C7: variants seen among roughly 807,000 people sequenced by gnomAD.
C7 encodes complement C7.
C7 carries 83 observed loss-of-function variants against 104.8 expected under a neutral mutation model. That is an observed-to-expected ratio of 0.79 (90% CI 0.66 to 0.95). The LOEUF is 0.95. Among genes scored for constraint, C7 ranks in the 40% least tolerant of loss-of-function variants. C7 has a pLI of 0.00. For synonymous variants in C7, 415 were observed against 360.6 expected (o/e 1.15, Z -1.71); for missense variants, 1,070 against 1,011.2 (o/e 1.06, Z -0.79).
At chr5:40,940,150 T>C (rs1377233691) in intron 6 of C7, among the ~76,000 whole-genome samples, 1 of 152,184 alleles carries the variant, frequency 6.6e-6, no homozygotes, top group East Asian at 1.9e-4. Flanking sequence ...GGAAAGTGAC[T>C]TTTGGCTTAT....
chr5:40,931,066 C>T lies in C7; in HGVS notation c.65C>T (p.Ala22Val). 6.2e-7 allele frequency: 1 copy of T among 1,608,054 alleles called. No individual in the cohort carries two copies. Among genetic ancestry groups the T allele is most frequent in the Admixed American group, 1.7e-5 (1 of 59,974 alleles). Residue 22 changes from alanine to valine, a missense_variant and splice_region_variant, in exon 3 of 18, where the codon GCC (alanine) becomes GTC (valine). Ala to Val is a moderately conservative substitution (Grantham distance 64, BLOSUM62 0). Coordinates refer to ENST00000313164, the MANE Select transcript of C7 (RefSeq NM_000587.4). ...FIGEFQSFSS[A>V]SSPVNCQWDF... Reference sequence around the variant, plus strand: ...TGGACAATTTGACACTGTGGCAGTGCCTCCTCTCCAGTCAACTGCCAGTGG... The same window carrying T: ...TGGACAATTTGACACTGTGGCAGTGTCTCCTCTCCAGTCAACTGCCAGTGG...
chr5:40,947,420 A>C (rs900664571), intron 7 of C7, among the ~76,000 whole-genome samples, 182 bp from the exon 8 acceptor site: 1 of 152,044 alleles, frequency 6.6e-6, no homozygotes, highest in Non-Finnish European at 1.5e-5. Flanking sequence ...GAGACTCCAA[A>C]TATTCCTGAT....
At chr5:40,966,300 A>G (rs1740549827) in intron 14 of C7, among the ~76,000 whole-genome samples, 1 of 151,504 alleles carries the variant, frequency 6.6e-6, no homozygotes, top group African/African-American at 2.4e-5. Context: ...AGTCCATTGC[A>G]TCAGTCTTAT....
At chr5:40,979,637 C>T (rs528989529) in intron 16 of C7, 88 bp from the exon 17 acceptor site, 32 of 1,023,774 alleles carry the variant, frequency 3.1e-5, no homozygotes, top group Non-Finnish European at 4.0e-5. Context: ...TCTGGGGGCA[C>T]TAAGCTCAGA....
chr5:40,974,910 A>G (rs1253474155), intron 15 of C7, among the ~76,000 whole-genome samples: 1 of 152,098 alleles, frequency 6.6e-6, no homozygotes, highest in Non-Finnish European at 1.5e-5. Context: ...TTGCTATGGG[A>G]GCCTCTTCTG....
At chr5:40,972,629 T>C (rs1442040189) in intron 15 of C7, 35 bp downstream of exon 15, 1 of 1,533,382 alleles carries the variant, frequency 6.5e-7, no homozygotes, top group South Asian at 1.3e-5. Flanking sequence ...AGGACACTTG[T>C]ACCCAGGCAA....
At chr5:40,917,310 T>G (rs1425482314) in intron 1 of C7, among the ~76,000 whole-genome samples, 1 of 151,574 alleles carries the variant, frequency 6.6e-6, no homozygotes, top group Admixed American at 6.6e-5. Flanking sequence ...ATTTTACTCT[T>G]TACTTATTAG....
At chr5:40,967,030 C>A (rs1402519391) in intron 14 of C7, among the ~76,000 whole-genome samples, 3 of 151,210 alleles carry the variant, frequency 2.0e-5, no homozygotes, top group Non-Finnish European at 4.4e-5. Flanking sequence ...TGTGAACCGA[C>A]TGATGAAATG....
At chr5:40,953,962 T>C (rs1287825039) in intron 9 of C7, among the ~76,000 whole-genome samples, 2 of 47,998 alleles carry the variant, frequency 4.2e-5, no homozygotes, top group Non-Finnish European at 1.3e-4. Flanking sequence ...TTTTATGAAA[T>C]TGCAAAATTT....
At chr5:40,921,967 G>A (rs543857014) in intron 1 of C7, among the ~76,000 whole-genome samples, 5 of 152,206 alleles carry the variant, frequency 3.3e-5, no homozygotes, top group African/African-American at 1.2e-4. Flanking sequence ...GAACCTGTGA[G>A]GTGGAAGTTG....
At chr5:40,951,372 C>A (rs1418035946) in intron 9 of C7, among the ~76,000 whole-genome samples, 3 of 152,082 alleles carry the variant, frequency 2.0e-5, no homozygotes, top group Admixed American at 6.6e-5. Context: ...AACAGGAAAC[C>A]AAATACTGCA....
rs1340333442 is a variant in C7 at position 40,955,399 on chromosome 5, A to G, written c.1106A>G (p.Asn369Ser). Residue 369 changes from asparagine to serine, a missense_variant, in exon 10 of 18, where the codon AAT becomes AGT. Transcript: ENST00000313164. Reference sequence around the variant, plus strand: ...TTCTTCTGTATAGGAACCCAGAACAATGTATTGCGAGGAGAACCGTTCATC... The same window carrying G: ...TTCTTCTGTATAGGAACCCAGAACAGTGTATTGCGAGGAGAACCGTTCATC... ...ALKAASGTQN[N>S]VLRGEPFIRG... 1 of 1,607,864 alleles carries G rather than the reference A, an allele frequency of 6.2e-7. No homozygotes were observed. The highest frequency in any genetic ancestry group is 8.5e-7 in the Non-Finnish European group (1 of 1,177,752).
chr5:40,979,800 T>G lies in C7; in HGVS notation c.2241T>G (p.Val747=), dbSNP rs761357401. The G allele has an allele frequency of 3.8e-5, 61 of 1,613,586 alleles. No individual in the cohort carries two copies. In the African/African-American group the frequency reaches 8.0e-4, roughly 21 times the overall value. ...ILPLTVCKMH[V]LHCQGRNYTL... Reference sequence around the variant, plus strand: ...CTCTGACAGTTTGCAAGATGCATGTTCTCCACTGTCAGGGTAGAAATTACA... The same window carrying G: ...CTCTGACAGTTTGCAAGATGCATGTGCTCCACTGTCAGGGTAGAAATTACA... The change falls in exon 17 of 18, where the codon GTT becomes GTG. Residue 747 remains valine, a synonymous_variant. Transcript: ENST00000313164.
intron 15 of C7, among the ~76,000 whole-genome samples, chr5:40,975,485 TC>T (rs1191627634): frequency 2.7e-5 from 4 of 150,804 alleles, no homozygotes; most frequent in African/African-American, 9.8e-5. Flanking sequence ...TGCCTCAGCC[TC>T]CTGAGGAGCT....
At chr5:40,968,582 ATATATATATATATATATATTTTTTTTT>A (rs1374016454) in intron 14 of C7, among the ~76,000 whole-genome samples, 2 of 55,318 alleles carry the variant, frequency 3.6e-5, no homozygotes. Flanking sequence ...ATATATATAT[ATATATATATATATATATATTTTTTTTT>A]TTTTTTTTTT....
intron 13 of C7, among the ~76,000 whole-genome samples, chr5:40,962,753 C>A (rs891329332): frequency 2.6e-5 from 4 of 152,166 alleles, no homozygotes; most frequent in African/African-American, 9.6e-5. Flanking sequence ...TGCTCTCAGT[C>A]TTTATGACGA....
At chr5:40,965,052 T>C (rs1249742481) in intron 14 of C7, among the ~76,000 whole-genome samples, 179 bp downstream of exon 14, 1 of 152,206 alleles carries the variant, frequency 6.6e-6, no homozygotes, top group Non-Finnish European at 1.5e-5. Context: ...CTCTAGTTGG[T>C]AATGTTCCCA....
chr5:40,935,933 T>G (rs544974569), intron 4 of C7, among the ~76,000 whole-genome samples: 1 of 152,176 alleles, frequency 6.6e-6, no homozygotes, highest in African/African-American at 2.4e-5. Flanking sequence ...TGTCCGGCTC[T>G]TAAAGCTTAC....
intron 15 of C7, among the ~76,000 whole-genome samples, chr5:40,973,478 C>G (rs568790124): frequency 1.3e-5 from 2 of 152,270 alleles, no homozygotes; most frequent in South Asian, 4.1e-4. Flanking sequence ...TTAGATGTTT[C>G]TAACTAAGTT....
Sources: allele counts gnomAD v4.1 joint callset (sites outside exome capture counted in the v4.1 genomes callset), GRCh38; gene constraint gnomAD v4.1.1; transcripts MANE v1.5; gene names NCBI Gene and HGNC (gene_info 2026-07-23, HGNC 2026-07-21).